DOCK5: variants seen among roughly 807,000 people sequenced by gnomAD.
The protein encoded by DOCK5 is dedicator of cytokinesis 5, also known as dedicator of cytokinesis protein 5.
DOCK5 carries 142 observed loss-of-function variants against 251.8 expected under a neutral mutation model. The ratio of observed to expected loss-of-function variants is 0.56; its 90% CI spans 0.49 to 0.65. The LOEUF (loss-of-function observed/expected upper bound fraction) is 0.65, where lower values mean the gene tolerates loss of function less well. DOCK5 is among the 30% of genes least tolerant of loss of function. DOCK5 has a pLI of 0.00. For missense variants in DOCK5, 2,111 were observed against 2,312.3 expected (o/e 0.91, Z 1.79); for synonymous variants, 842 against 835.5 (o/e 1.01, Z -0.13).
intron 1 of DOCK5, among the ~76,000 whole-genome samples, chr8:25,198,045 G>T (rs533226962): frequency 6.6e-6 from 1 of 152,030 alleles, no homozygotes; most frequent in African/African-American, 2.4e-5. Context: ...GCACTGTGCC[G>T]GTGTCTTTGT....
chr8:25,305,530 A>T (rs1366221974), intron 11 of DOCK5, among the ~76,000 whole-genome samples: 1 of 152,196 alleles, frequency 6.6e-6, no homozygotes, highest in African/African-American at 2.4e-5. Context: ...ACCACCCAAA[A>T]ACTGTAAAGA....
chr8:25,233,687 T>G (rs1322855962), intron 1 of DOCK5, among the ~76,000 whole-genome samples: 1 of 152,258 alleles, frequency 6.6e-6, no homozygotes, highest in Non-Finnish European at 1.5e-5. Context: ...CAGCTGTAAT[T>G]TTGTTCGCCT....
intron 1 of DOCK5, among the ~76,000 whole-genome samples, chr8:25,242,778 T>C (rs1004692723): frequency 6.6e-6 from 1 of 152,184 alleles, no homozygotes; most frequent in African/African-American, 2.4e-5. Flanking sequence ...AGTGCTGGGG[T>C]AACCCAGTTG....
At chr8:25,241,203 A>G (rs544167108) in intron 1 of DOCK5, among the ~76,000 whole-genome samples, 7 of 152,302 alleles carry the variant, frequency 4.6e-5, no homozygotes, top group Admixed American at 1.3e-4. Flanking sequence ...GAGGCTGGGC[A>G]CGGTGGCTCA....
intron 1 of DOCK5, among the ~76,000 whole-genome samples, chr8:25,185,940 A>T (rs1801418829): frequency 3.9e-5 from 6 of 152,194 alleles, no homozygotes; most frequent in Admixed American, 3.3e-4. Context: ...ATTCCCTACA[A>T]TAAACACGGC....
At chr8:25,349,728 C>G (rs1341613717) in intron 26 of DOCK5, among the ~76,000 whole-genome samples, 1 of 152,118 alleles carries the variant, frequency 6.6e-6, no homozygotes, top group Non-Finnish European at 1.5e-5. Flanking sequence ...AATGCAAAGG[C>G]TTAAGAGTGA....
chr8:25,330,363 A>G (rs1332116391), intron 18 of DOCK5, among the ~76,000 whole-genome samples: 1 of 152,240 alleles, frequency 6.6e-6, no homozygotes, highest in East Asian at 1.9e-4. Context: ...TGAATACTAT[A>G]TGATTCCTGC....
intron 1 of DOCK5, among the ~76,000 whole-genome samples, chr8:25,192,608 C>A (rs1483470039): frequency 6.6e-6 from 1 of 152,138 alleles, no homozygotes; most frequent in Admixed American, 6.5e-5. Flanking sequence ...TGAGCTCAAG[C>A]GATTCTCCCA....
chr8:25,295,807 G>C (rs1563342007), intron 6 of DOCK5, among the ~76,000 whole-genome samples: 1 of 151,244 alleles, frequency 6.6e-6, no homozygotes, highest in East Asian at 1.9e-4. Flanking sequence ...GGAGGTATGT[G>C]TGTATGTATT....
chr8:25,338,466 AT>A (rs1463196205), intron 22 of DOCK5, among the ~76,000 whole-genome samples: 3 of 151,994 alleles, frequency 2.0e-5, no homozygotes, highest in East Asian at 3.9e-4. Context: ...TATTTTTTAT[AT>A]TTTTTTGAAT....
chr8:25,341,336 G>A (rs1805950083), intron 23 of DOCK5, among the ~76,000 whole-genome samples: 1 of 152,028 alleles, frequency 6.6e-6, no homozygotes, highest in Non-Finnish European at 1.5e-5. Context: ...GAAGTGCAAA[G>A]TCACCATCTT....
intron 7 of DOCK5, among the ~76,000 whole-genome samples, chr8:25,297,821 C>T (rs914605727): frequency 7.2e-5 from 11 of 151,942 alleles, no homozygotes; most frequent in South Asian, 2.1e-4. Flanking sequence ...CTGAGGTGGG[C>T]GGATCATTTG....
At chr8:25,233,801 G>A (rs1363132173) in intron 1 of DOCK5, among the ~76,000 whole-genome samples, 1 of 152,060 alleles carries the variant, frequency 6.6e-6, no homozygotes, top group Non-Finnish European at 1.5e-5. Flanking sequence ...TACATAGTAG[G>A]TGTATATATT....
At chr8:25,381,911 C>T (rs144289907) in intron 39 of DOCK5, among the ~76,000 whole-genome samples, 9 of 152,280 alleles carry the variant, frequency 5.9e-5, no homozygotes, top group South Asian at 2.1e-4. Flanking sequence ...TACTGAAAAA[C>T]CGAACATCAC....
intron 38 of DOCK5, among the ~76,000 whole-genome samples, chr8:25,377,740 TG>T (rs893246256): frequency 6.6e-6 from 1 of 152,144 alleles, no homozygotes; most frequent in African/African-American, 2.4e-5. Flanking sequence ...GAATGTAAAC[TG>T]GGGCCAGCCA....
intron 2 of DOCK5, among the ~76,000 whole-genome samples, chr8:25,254,910 G>A (rs1452916882): frequency 1.3e-5 from 2 of 151,298 alleles, no homozygotes; most frequent in South Asian, 4.1e-4. Flanking sequence ...CAGAAACCTC[G>A]CTAAGGAAGA....
chr8:25,266,619 G>T (rs933884644), intron 2 of DOCK5, among the ~76,000 whole-genome samples: 3 of 151,886 alleles, frequency 2.0e-5, no homozygotes, highest in Non-Finnish European at 4.4e-5. Flanking sequence ...ATGTGGAAAT[G>T]AGCAAACATA....
chr8:25,257,853 C>A (rs984900841), intron 2 of DOCK5, among the ~76,000 whole-genome samples: 3 of 152,184 alleles, frequency 2.0e-5, no homozygotes, highest in Admixed American at 6.5e-5. Flanking sequence ...GCAGCAAATT[C>A]ATTGCTCCTA....
chr8:25,284,206 G>C (rs1211193811), intron 5 of DOCK5, among the ~76,000 whole-genome samples: 2 of 152,152 alleles, frequency 1.3e-5, no homozygotes, highest in Non-Finnish European at 2.9e-5. Context: ...GATTTTATGT[G>C]CTATATGCCT....
Sources: gnomAD v4.1 joint callset for allele counts (sites outside exome capture counted in the v4.1 genomes callset) on GRCh38, gnomAD v4.1.1 for gene constraint, MANE v1.5 for transcripts, NCBI Gene and HGNC (gene_info 2026-07-23, HGNC 2026-07-21) for gene names.